Variants in UNC13C observed in about 807,000 individuals in gnomAD.
UNC13C encodes the protein unc-13 homolog C, also known as protein unc-13 homolog C.
In UNC13C, 174 loss-of-function variants were observed where a neutral mutation model predicts 245.4. The observed-to-expected ratio is 0.71, with a 90% CI of 0.63 to 0.80. The LOEUF is 0.80. Among genes scored for constraint, UNC13C ranks in the 30% least tolerant of loss-of-function variants. The pLI, the probability that UNC13C is intolerant of heterozygous loss-of-function variation, is 0.00. For synonymous variants in UNC13C, 992 were observed against 895.1 expected (o/e 1.11, Z -1.93); for missense variants, 2,829 against 2,602.9 (o/e 1.09, Z -1.89).
chr15:53,848,106 CTT>C, the UNC13C span, among the ~76,000 whole-genome samples: 69,847 of 151,684 alleles, frequency 0.46, 16,337 homozygotes, highest in Middle Eastern at 0.58. Flanking sequence ...CTCTCTCTCT[CTT>C]ATTGATCAGT....
chr15:54,434,643 G>A (rs187168227), intron 19 of UNC13C, among the ~76,000 whole-genome samples: 229 of 151,808 alleles, frequency 1.5e-3, no homozygotes, highest in African/African-American at 2.8e-3. Context: ...AGAAGAAAAC[G>A]TAGGCAATAC....
chr15:53,837,919 TA>T, the UNC13C span, among the ~76,000 whole-genome samples: 1 of 152,138 alleles, frequency 6.6e-6, no homozygotes, highest in African/African-American at 2.4e-5. Flanking sequence ...TCTGAGTTTT[TA>T]AAAAATCAAT....
Position 54,264,245 on chromosome 15 carries a change from A to G in UNC13C, c.3526A>G (p.Lys1176Glu), listed in dbSNP as rs1233564008. ...TIITAMKERM[K>E]IREKNRPEVF... ...TATTACAGCAATGAAAGAAAGAATG[A>G]AGATCAGGGAGAAAAACCGGCCAGA... Residue 1176 changes from lysine to glutamate, a missense_variant, in exon 9 of 33, where the codon AAG becomes GAG. Physicochemically the swap from Lys to Glu is moderately conservative, Grantham distance 56 (BLOSUM62 1). Transcript: ENST00000260323. The G allele has an allele frequency of 6.3e-7, 1 of 1,597,716 alleles. No homozygotes were observed. The highest frequency in any genetic ancestry group is 1.7e-5 in the Admixed American group (1 of 57,662).
intron 19 of UNC13C, among the ~76,000 whole-genome samples, chr15:54,448,542 C>T (rs894360507): frequency 8.5e-5 from 13 of 152,056 alleles, no homozygotes; most frequent in African/African-American, 1.2e-4. Flanking sequence ...CCTTCTTTGT[C>T]GCTTTTGATC....
chr15:54,310,740 A>ATATATGTATATC (rs2037845943), intron 13 of UNC13C, among the ~76,000 whole-genome samples: 1 of 117,410 alleles, frequency 8.5e-6, no homozygotes, highest in African/African-American at 2.7e-5. Flanking sequence ...GCCTCATTTT[A>ATATATGTATATC]TATATCTATA....
intron 4 of UNC13C, among the ~76,000 whole-genome samples, chr15:54,191,813 C>CT (rs879914034): frequency 6.6e-6 from 1 of 151,984 alleles, no homozygotes; most frequent in South Asian, 2.1e-4. Flanking sequence ...TGGTGATGAG[C>CT]TTTTTTTTCA....
the UNC13C span, among the ~76,000 whole-genome samples, chr15:53,855,205 G>A: frequency 6.6e-6 from 1 of 152,122 alleles, no homozygotes; most frequent in Non-Finnish European, 1.5e-5. Context: ...CTGAGACAAT[G>A]GGGTTTTCTA....
intron 2 of UNC13C, among the ~76,000 whole-genome samples, chr15:54,076,816 A>G (rs1021244316): frequency 2.4e-4 from 36 of 152,230 alleles, no homozygotes; most frequent in African/African-American, 4.1e-4. Flanking sequence ...TAAAGGGGGA[A>G]AAATGGACAT....
intron 19 of UNC13C, among the ~76,000 whole-genome samples, chr15:54,472,292 A>G (rs566250079): frequency 6.6e-6 from 1 of 151,762 alleles, no homozygotes; most frequent in South Asian, 2.1e-4. Context: ...TACATCTTTT[A>G]ATAATATGCA....
rs1895563932 is a variant in UNC13C at position 54,014,782 on chromosome 15, A to G, written c.1879A>G (p.Ser627Gly). ...TETENTETVD[S>G]GMSNGMVCAS... Reference sequence around the variant, plus strand: ...AACTGAAAACACAGAAACTGTGGATAGTGGAATGAGTAATGGCATGGTGTG... The same window carrying G: ...AACTGAAAACACAGAAACTGTGGATGGTGGAATGAGTAATGGCATGGTGTG... The change falls in exon 2 of 33, where the codon AGT becomes GGT. Residue 627 changes from serine (S) to glycine (G), a missense_variant. Transcript: ENST00000260323. 6.2e-7 allele frequency: 1 copy of G among 1,613,776 alleles called. No homozygotes were observed. Among genetic ancestry groups the G allele is most frequent in the African/African-American group, 1.3e-5 (1 of 74,916 alleles).
chr15:54,007,726 T>C (rs1280772174), intron 1 of UNC13C, among the ~76,000 whole-genome samples: 1 of 152,158 alleles, frequency 6.6e-6, no homozygotes. Flanking sequence ...CATTTATCTA[T>C]GTAACAAACC....
intron 2 of UNC13C, among the ~76,000 whole-genome samples, chr15:54,062,252 G>A (rs1389664667): frequency 6.6e-6 from 1 of 151,496 alleles, no homozygotes; most frequent in Non-Finnish European, 1.5e-5. Flanking sequence ...TTGGGAGGTG[G>A]AGGTTGCAGT....
intron 30 of UNC13C, among the ~76,000 whole-genome samples, chr15:54,587,264 A>G (rs1042858229): frequency 4.1e-5 from 6 of 147,498 alleles, no homozygotes; most frequent in African/African-American, 1.6e-4. Context: ...TTGATTTTAC[A>G]CAAATACGAG....
chr15:54,410,856 A>G (rs1158018372), intron 18 of UNC13C, among the ~76,000 whole-genome samples: 1 of 152,114 alleles, frequency 6.6e-6, no homozygotes, highest in East Asian at 1.9e-4. Flanking sequence ...TCTTGGTTCC[A>G]TATGAATTTA....
intron 28 of UNC13C, among the ~76,000 whole-genome samples, chr15:54,550,961 C>CT (rs1896709484): frequency 1.3e-5 from 2 of 152,206 alleles, no homozygotes; most frequent in African/African-American, 4.8e-5. Context: ...AGTAAGCACA[C>CT]TGCATCTCCC....
chr15:54,231,650 C>T (rs1250443547), intron 4 of UNC13C, among the ~76,000 whole-genome samples: 1 of 152,016 alleles, frequency 6.6e-6, no homozygotes. Context: ...ATATCTGTCA[C>T]CTAATAAGCA....
chr15:54,468,040 C>T (rs1042052442), intron 19 of UNC13C, among the ~76,000 whole-genome samples: 5 of 151,706 alleles, frequency 3.3e-5, no homozygotes, highest in African/African-American at 1.2e-4. Context: ...CACTTCCATA[C>T]TGTTTTCCAA....
chr15:54,607,651 A>G (rs555244038), intron 30 of UNC13C, among the ~76,000 whole-genome samples: 1 of 152,344 alleles, frequency 6.6e-6, no homozygotes, highest in South Asian at 2.1e-4. Context: ...CAGGCTGTAC[A>G]TGAAGCATGG....
chr15:54,054,709 G>A (rs964373969), intron 2 of UNC13C, among the ~76,000 whole-genome samples: 3 of 152,116 alleles, frequency 2.0e-5, no homozygotes, highest in Non-Finnish European at 2.9e-5. Context: ...GCATATCACA[G>A]TATCAATTAT....
Sources: allele counts gnomAD v4.1 joint callset (sites outside exome capture counted in the v4.1 genomes callset), GRCh38; gene constraint gnomAD v4.1.1; transcripts MANE v1.5; gene names NCBI Gene and HGNC (gene_info 2026-07-23, HGNC 2026-07-21).